Variants in CHD7 observed in about 807,000 individuals in gnomAD.
CHD7 encodes chromodomain helicase DNA binding protein 7, also known as ATP-dependent chromatin remodeler CHD7.
A neutral mutation model predicts 307.3 loss-of-function variants in CHD7; 24 were observed. The ratio of observed to expected loss-of-function variants is 0.08; its 90% CI spans 0.06 to 0.11. The LOEUF is 0.11. Ranked by LOEUF, CHD7 falls within the 10% of genes least tolerant of loss-of-function variation. The pLI, the probability that CHD7 is intolerant of heterozygous loss-of-function variation, is 1.00. For missense variants in CHD7, 3,106 were observed against 3,727.1 expected (o/e 0.83, Z 4.34); for synonymous variants, 1,363 against 1,349.9 (o/e 1.01, Z -0.21).
At chr8:60,729,150 T>C (rs1808317364) in intron 1 of CHD7, among the ~76,000 whole-genome samples, 1 of 152,236 alleles carries the variant, frequency 6.6e-6, no homozygotes, top group Non-Finnish European at 1.5e-5. Flanking sequence ...ATTTAAGAAC[T>C]TTTGCCATAA....
At chr8:60,777,393 A>C (rs756378968) in intron 2 of CHD7, among the ~76,000 whole-genome samples, 2 of 152,268 alleles carry the variant, frequency 1.3e-5, no homozygotes, top group Non-Finnish European at 1.5e-5. Context: ...AGGCTTCAGC[A>C]GTGTAATTAA....
intron 2 of CHD7, among the ~76,000 whole-genome samples, chr8:60,745,333 C>T (rs1164054786): frequency 6.6e-6 from 1 of 152,196 alleles, no homozygotes; most frequent in Admixed American, 6.5e-5. Flanking sequence ...TGATTATAAT[C>T]TGATCCCTGG....
Position 60,845,286 on chromosome 8 carries a change from A to G in CHD7, c.5087A>G (p.Lys1696Arg), listed in dbSNP as rs755896254. The G allele has an allele frequency of 5.0e-6, 8 of 1,613,482 alleles. No homozygotes were observed. The highest frequency in any genetic ancestry group is 1.6e-4 in the Middle Eastern group (1 of 6,080). ...SAPVPRGRKG[K>R]KVKAQSTQPV... ...CCTGTGCCAAGGGGAAGGAAGGGAA[A>G]GAAGGTGAAAGCCCAGAGCACACAG... is the stretch of plus-strand genomic sequence containing the variant. Residue 1696 changes from lysine to arginine, a missense_variant, in exon 23 of 38, where the codon AAG (lysine) becomes AGG (arginine). Lys to Arg is a conservative substitution (Grantham distance 26). This residue lies in a region of CHD7 where 1,030 missense variants were observed against 1,165.4 expected (regional missense o/e 0.88). Coordinates refer to ENST00000423902, the MANE Select transcript of CHD7 (RefSeq NM_017780.4).
intron 1 of CHD7, among the ~76,000 whole-genome samples, chr8:60,680,366 G>C (rs1455152824): frequency 6.8e-4 from 97 of 142,108 alleles, no homozygotes; most frequent in African/African-American, 2.4e-3. Flanking sequence ...GCGGTGCGGG[G>C]CGGGCGCGGC....
intron 2 of CHD7, among the ~76,000 whole-genome samples, chr8:60,756,310 G>A (rs1809889464): frequency 6.6e-6 from 1 of 152,146 alleles, no homozygotes; most frequent in South Asian, 2.1e-4. Context: ...GCCTTGTGAT[G>A]TAGTGATAGG....
At chr8:60,840,780 G>A (rs1804938845) in intron 19 of CHD7, among the ~76,000 whole-genome samples, 1 of 151,908 alleles carries the variant, frequency 6.6e-6, no homozygotes, top group African/African-American at 2.4e-5. Context: ...ACCATGCCTG[G>A]CTAATTTTTG....
At chr8:60,850,995 G>A (rs1805428357) in intron 26 of CHD7, 37 bp from the exon 27 acceptor site, 1 of 1,428,962 alleles carries the variant, frequency 7.0e-7, no homozygotes, top group Non-Finnish European at 9.6e-7. Flanking sequence ...TTGCTTATCA[G>A]TATGATTCAA....
At chr8:60,808,729 T>G (rs1812652785) in intron 7 of CHD7, 1 of 154,002 alleles carries the variant, frequency 6.5e-6, no homozygotes, top group African/African-American at 2.4e-5. Flanking sequence ...GCTTTATCTG[T>G]TTTTGTTTGT....
intron 14 of CHD7, among the ~76,000 whole-genome samples, chr8:60,829,348 C>G (rs1432819666): frequency 6.6e-6 from 1 of 152,160 alleles, no homozygotes; most frequent in African/African-American, 2.4e-5. Flanking sequence ...GCCTGTAATC[C>G]CAGCACTTTG....
chr8:60,686,348 T>TA lies in CHD7; in HGVS notation c.-175+7284dup, dbSNP rs10555815. ...ATTTCTTCAACTTGCCAGTTTTTCTTAAAAAAAAAAAAAAAAAACTCTTTA... is the reference window on the plus strand; with the variant it reads ...ATTTCTTCAACTTGCCAGTTTTTCTTAAAAAAAAAAAAAAAAAAACTCTTTA... On this transcript the variant is annotated intron_variant, in intron 1 of 37. Transcript: ENST00000423902. Among the ~76,000 whole-genome samples, 516 of 148,892 alleles carry TA rather than the reference T, an allele frequency of 3.5e-3. 3 individuals carry two copies. The highest frequency in any genetic ancestry group is 0.02 in the East Asian group (100 of 5,102).
chr8:60,734,040 T>C (rs768652443), intron 1 of CHD7, among the ~76,000 whole-genome samples: 17 of 152,240 alleles, frequency 1.1e-4, no homozygotes, highest in Non-Finnish European at 2.4e-4. Context: ...TGTTCATAAT[T>C]CTTTGAATGA....
chr8:60,716,543 C>A (rs564120145), intron 1 of CHD7, among the ~76,000 whole-genome samples: 2 of 152,290 alleles, frequency 1.3e-5, no homozygotes, highest in African/African-American at 4.8e-5. Flanking sequence ...AGTTCCTTCC[C>A]GATCATACAT....
chr8:60,732,631 T>A (rs752634452), intron 1 of CHD7, among the ~76,000 whole-genome samples: 22 of 152,190 alleles, frequency 1.4e-4, no homozygotes, highest in African/African-American at 4.1e-4. Context: ...GTGATTTTTT[T>A]AAAATCAGGC....
chr8:60,723,713 C>A (rs1234170650), intron 1 of CHD7, among the ~76,000 whole-genome samples: 1 of 152,168 alleles, frequency 6.6e-6, no homozygotes, highest in Non-Finnish European at 1.5e-5. Flanking sequence ...TAGAATGCCA[C>A]CTTATTTGGA....
chr8:60,765,284 C>A (rs1320721431), intron 2 of CHD7, among the ~76,000 whole-genome samples: 1 of 147,298 alleles, frequency 6.8e-6, no homozygotes, highest in African/African-American at 2.5e-5. Context: ...TACACACACA[C>A]CCCACACACA....
Position 60,862,575 on chromosome 8 carries a change from A to C in CHD7, c.7999A>C (p.Lys2667Gln), listed in dbSNP as rs1420092626. ...GGGTGGAGCTATGGCGCCTCCAATG[A>C]AGGATCTACCCAGGTGGCTGGAAGA... ...KMGGAMAPPM[K>Q]DLPRWLEENP... Residue 2667 changes from lysine (K) to glutamine (Q), a missense_variant, in exon 37 of 38, where the codon AAG (lysine) becomes CAG (glutamine). Lys to Gln is a moderately conservative substitution (Grantham distance 53). Coordinates refer to ENST00000423902, the MANE Select transcript of CHD7 (RefSeq NM_017780.4). 1.9e-6 allele frequency: 3 copies of C among 1,577,752 alleles called. No homozygotes were observed. The highest frequency in any genetic ancestry group is 2.6e-6 in the Non-Finnish European group (3 of 1,160,558).
chr8:60,851,325 G>T lies in CHD7; in HGVS notation c.5665+6G>T. On this transcript the variant is annotated splice_donor_region_variant and intron_variant, in intron 28 of 37. Coordinates refer to ENST00000423902, the MANE Select transcript of CHD7 (RefSeq NM_017780.4). ...CATGGAAATACATGCCACAGGTAAG[G>T]TCCCAGAAAAGCTTGTGTAGCCGAG... 1 of 1,557,122 alleles carries T rather than the reference G, an allele frequency of 6.4e-7. No individual in the cohort carries two copies. Among genetic ancestry groups the T allele is most frequent in the Non-Finnish European group, 8.7e-7 (1 of 1,149,204 alleles).
intron 11 of CHD7, 42 bp from the exon 12 acceptor site, chr8:60,822,461 T>C (rs754514980): frequency 6.3e-7 from 1 of 1,595,360 alleles, no homozygotes; most frequent in Admixed American, 1.7e-5. Flanking sequence ...GTGTGTCATA[T>C]CCATACTCAT....
rs1804767759 is a variant in CHD7, at chr8:60,836,898, T to A, written c.4071T>A (p.Ser1357=). ...AAIDRFSKPD[S]DRFVFLLCTR... is the part of the protein sequence containing the mutation. Reference sequence around the variant, plus strand: ...TCGACAGATTCTCCAAACCTGATTCTGATAGGTTTGTTTTCCTCCTGTGTA... The same window carrying A: ...TCGACAGATTCTCCAAACCTGATTCAGATAGGTTTGTTTTCCTCCTGTGTA... Residue 1357 remains serine (S), a synonymous_variant, in exon 17 of 38, where the codon TCT becomes TCA. Coordinates refer to ENST00000423902, the MANE Select transcript of CHD7 (RefSeq NM_017780.4). The A allele has an allele frequency of 6.2e-7, 1 of 1,613,746 alleles. No homozygotes were observed. The highest frequency in any genetic ancestry group is 1.7e-5 in the Admixed American group (1 of 60,006).
Sources: allele counts gnomAD v4.1 joint callset (sites outside exome capture counted in the v4.1 genomes callset), GRCh38; gene constraint gnomAD v4.1.1; regional missense constraint gnomAD v4.1.1; transcripts MANE v1.5; gene names NCBI Gene and HGNC (gene_info 2026-07-23, HGNC 2026-07-21).